Variants in ARHGEF18 observed in about 807,000 individuals in gnomAD.
ARHGEF18 encodes Rho/Rac guanine nucleotide exchange factor 18.
A neutral mutation model predicts 155.7 loss-of-function variants in ARHGEF18; 93 were observed. That is an observed-to-expected ratio of 0.60 (90% CI 0.50 to 0.71). ARHGEF18 has a LOEUF of 0.71. ARHGEF18 is among the 30% of genes least tolerant of loss of function. The pLI, the probability that ARHGEF18 is intolerant of heterozygous loss-of-function variation, is 0.00. For synonymous variants in ARHGEF18, 742 were observed against 753.1 expected (o/e 0.99, Z 0.24); for missense variants, 1,593 against 1,816.1 (o/e 0.88, Z 2.23).
intron 7 of ARHGEF18, among the ~76,000 whole-genome samples, chr19:7,380,203 G>A (rs1046788787): frequency 3.3e-5 from 5 of 151,884 alleles, no homozygotes. Flanking sequence ...TGTGGGCTGG[G>A]CGCAGTGGCT....
chr19:7,466,974 G>C lies in ARHGEF18; in HGVS notation c.2961G>C (p.Glu987Asp). 1.9e-6 allele frequency: 3 copies of C among 1,613,372 alleles called. No individual in the cohort carries two copies. The highest frequency in any genetic ancestry group is 2.5e-6 in the Non-Finnish European group (3 of 1,180,006). ...DPRLPTVLESELVQRIQTLSQ... is the reference protein window; with the variant it reads ...DPRLPTVLESDLVQRIQTLSQ... ...GTCTGCCCACCGTCCTGGAGTCGGAGGTAGGCGCCCGCGGGTCTCCATCTC... is the reference window on the plus strand; with the variant it reads ...GTCTGCCCACCGTCCTGGAGTCGGACGTAGGCGCCCGCGGGTCTCCATCTC... The change falls in exon 24 of 29, where the codon GAG becomes GAC. Residue 987 changes from glutamate to aspartate, a missense_variant and splice_region_variant. Glu to Asp is a conservative substitution (Grantham distance 45). Transcript: ENST00000668164.
the ARHGEF18 span, chr19:7,478,237 C>T: frequency 1.7e-5 from 25 of 1,495,426 alleles, no homozygotes; most frequent in Non-Finnish European, 2.1e-5. Context: ...TGGGCCTGCA[C>T]AGGGGTGGCT....
chr19:7,402,687 G>A (rs1208307337), intron 10 of ARHGEF18, among the ~76,000 whole-genome samples: 3 of 152,102 alleles, frequency 2.0e-5, no homozygotes, highest in African/African-American at 7.2e-5. Context: ...AAGGAAAGGG[G>A]ACCAGCTTGC....
At chr19:7,373,606 G>T (rs887912217) in intron 3 of ARHGEF18, among the ~76,000 whole-genome samples, 1 of 151,784 alleles carries the variant, frequency 6.6e-6, no homozygotes, top group East Asian at 1.9e-4. Context: ...CTCCCGAGTA[G>T]CTGGGATTAC....
At chr19:7,427,058 G>C (rs78034725) in intron 10 of ARHGEF18, among the ~76,000 whole-genome samples, 2,284 of 152,208 alleles carry the variant, frequency 0.015, 57 homozygotes, top group African/African-American at 0.051. Context: ...CCTCTCGTAA[G>C]CTCGAGGTGG....
In ARHGEF18 at chr19:7,463,772, C is replaced by T. The variant is rs1464394257; in HGVS notation, c.2636-46C>T. ...CCCAGCGCTCCGTATTCCCCCAGCACACTTCCGCAGGGCGACCCGTGCCTC... is the reference window on the plus strand; with the variant it reads ...CCCAGCGCTCCGTATTCCCCCAGCATACTTCCGCAGGGCGACCCGTGCCTC... On this transcript the variant is annotated intron_variant, in intron 21 of 28. Transcript: ENST00000668164. This position sits in a 1 kb window ranked among gnomAD's most constrained non-coding sequence, Gnocchi z 5.2. 1.3e-6 allele frequency: 2 copies of T among 1,555,554 alleles called. No homozygotes were observed. The highest frequency in any genetic ancestry group is 2.3e-5 in the East Asian group (1 of 43,296).
At chr19:7,364,402 A>AAGGC (rs1555698671) in intron 2 of ARHGEF18, among the ~76,000 whole-genome samples, 2,709 of 129,652 alleles carry the variant, frequency 0.021, 88 homozygotes, top group Middle Eastern at 0.035. Context: ...GGAAGGAAGG[A>AAGGC]AGGCAGGCTG....
chr19:7,360,814 T>C (rs759991049), intron 1 of ARHGEF18, among the ~76,000 whole-genome samples: 10 of 152,296 alleles, frequency 6.6e-5, no homozygotes, highest in African/African-American at 1.2e-4. Flanking sequence ...CTGTGAGTCA[T>C]AGATGCTGCT....
intron 7 of ARHGEF18, among the ~76,000 whole-genome samples, chr19:7,379,494 G>A (rs1970626960): frequency 6.6e-6 from 1 of 152,208 alleles, no homozygotes; most frequent in African/African-American, 2.4e-5. Flanking sequence ...AGGAGTTGGA[G>A]GTTGCAGTGA....
chr19:7,371,839 G>T (rs1304260623), intron 2 of ARHGEF18, among the ~76,000 whole-genome samples: 1 of 151,396 alleles, frequency 6.6e-6, no homozygotes, highest in African/African-American at 2.4e-5. Flanking sequence ...AAAAGGTTAC[G>T]ATGATAAATG....
intron 7 of ARHGEF18, among the ~76,000 whole-genome samples, chr19:7,380,699 A>G (rs2145440057): frequency 6.6e-6 from 1 of 152,078 alleles, no homozygotes; most frequent in Admixed American, 6.6e-5. Context: ...AAAAAGAAAA[A>G]AAACATCTTC....
Position 7,462,438 on chromosome 19 carries a change from G to A in ARHGEF18, c.2635+104G>A, listed in dbSNP as rs1044175782. Reference sequence around the variant, plus strand: ...CTCATTGTGGCCGACACGGCACCCTGTCCAGGACAGGCTTCTATGTGGGGG... The same window carrying A: ...CTCATTGTGGCCGACACGGCACCCTATCCAGGACAGGCTTCTATGTGGGGG... On this transcript the variant is annotated intron_variant, in intron 21 of 28. Coordinates refer to ENST00000668164, the MANE Select transcript of ARHGEF18 (RefSeq NM_001367823.1). This position sits in a 1 kb window ranked among gnomAD's most constrained non-coding sequence, Gnocchi z 4.4. 4.4e-5 allele frequency: 58 copies of A among 1,317,036 alleles called. No individual in the cohort carries two copies. The highest frequency in any genetic ancestry group is 5.6e-5 in the Non-Finnish European group (56 of 1,002,770). 81.6% of individuals were successfully genotyped at this position (1,317,036 alleles called of 1,614,324 possible).
chr19:7,470,450 G>A lies in ARHGEF18; in HGVS notation c.*152G>A, dbSNP rs763031174. 7.6e-5 allele frequency: 51 copies of A among 670,998 alleles called. No individual in the cohort carries two copies. The highest frequency in any genetic ancestry group is 1.0e-4 in the Non-Finnish European group (48 of 471,982). 41.6% of individuals were successfully genotyped at this position (670,998 alleles called of 1,614,324 possible). On this transcript the variant is annotated 3_prime_UTR_variant, in exon 29 of 29. Transcript: ENST00000668164. The surrounding 1 kb of genome is among the most constrained non-coding windows in gnomAD (Gnocchi z 5.9). ...ACCGCCTGGCAGGGGCCAGCCTGTC[G>A]GTGCTCTGGGCCTTGCAGCTGTTTC...
At chr19:7,476,467 G>A (rs1977230345), downstream of ARHGEF18, among the ~76,000 whole-genome samples, 3 of 152,252 alleles carry the variant, frequency 2.0e-5, no homozygotes, top group Admixed American at 6.5e-5. Flanking sequence ...AGCAGACTAA[G>A]CAGTGCCCTC....
At position 7,388,062 on chromosome 19, in the gene ARHGEF18, G is replaced by T. The variant is rs142805841; in HGVS notation, c.967+4859G>T. Among the ~76,000 whole-genome samples the T allele has an allele frequency of 3.8e-3, 573 of 152,072 alleles. 1 individual carries two copies. The highest frequency in any genetic ancestry group is 0.013 in the African/African-American group (546 of 41,514). On this transcript the variant is annotated intron_variant, in intron 10 of 28. Coordinates refer to ENST00000668164, the MANE Select transcript of ARHGEF18 (RefSeq NM_001367823.1). Reference sequence around the variant, plus strand: ...TTATCTGGTAGCAAGCAAGGTGAGTGGCTTATCATGTCCTGCAAATCAATA... The same window carrying T: ...TTATCTGGTAGCAAGCAAGGTGAGTTGCTTATCATGTCCTGCAAATCAATA...
chr19:7,478,730 G>A, the ARHGEF18 span, among the ~76,000 whole-genome samples: 8 of 152,238 alleles, frequency 5.3e-5, no homozygotes, highest in Non-Finnish European at 8.8e-5. Context: ...CAAGAGGCCC[G>A]CAGTTGGACA....
chr19:7,476,538 G>A (rs1977232287), downstream of ARHGEF18, among the ~76,000 whole-genome samples: 1 of 152,256 alleles, frequency 6.6e-6, no homozygotes, highest in South Asian at 2.1e-4. Flanking sequence ...CGATGCCAGT[G>A]TGTGTTGCCC....
intron 10 of ARHGEF18, among the ~76,000 whole-genome samples, chr19:7,396,277 G>C (rs1473985626): frequency 2.0e-5 from 3 of 152,202 alleles, no homozygotes; most frequent in Non-Finnish European, 4.4e-5. Flanking sequence ...TGTTTTCGCG[G>C]AGATGAAGCT....
At chr19:7,417,214 G>A (rs1973079890) in intron 10 of ARHGEF18, among the ~76,000 whole-genome samples, 3 of 152,026 alleles carry the variant, frequency 2.0e-5, no homozygotes, top group Admixed American at 6.6e-5. Flanking sequence ...CACCTGGCCT[G>A]GATGATATTT....
Sources: gnomAD v4.1 joint callset for allele counts (sites outside exome capture counted in the v4.1 genomes callset) on GRCh38, gnomAD v4.1.1 for gene constraint, Gnocchi (gnomAD v3.1) non-coding constraint, MANE v1.5 for transcripts, NCBI Gene and HGNC (gene_info 2026-07-23, HGNC 2026-07-21) for gene names.